DHX29: variants seen among roughly 807,000 people sequenced by gnomAD.
DHX29 encodes ATP-dependent RNA helicase DHX29.
DHX29 carries 79 observed loss-of-function variants against 167.9 expected under a neutral mutation model. The ratio of observed to expected loss-of-function variants is 0.47; its 90% confidence interval spans 0.39 to 0.57. The LOEUF is 0.57. Among genes scored for constraint, DHX29 ranks in the 20% least tolerant of loss-of-function variants. The pLI is 0.00. For missense variants in DHX29, 1,347 were observed against 1,593.4 expected, an observed-to-expected ratio of 0.85 and a Z score of 2.63; for synonymous variants, 530 against 546.0, an observed-to-expected ratio of 0.97 and a Z score of 0.41.
intron 12 of DHX29, among the ~76,000 whole-genome samples, chr5:55,281,119 CACACACACACACACGCTATATATAT>C (rs1747387195): frequency 8.5e-6 from 1 of 117,186 alleles, no homozygotes; most frequent in South Asian, 2.5e-4. Context: ...TATATATGTA[CACACACACACACACGCTATATATAT>C]ACACACACAC....
chr5:55,302,297 C>T (rs1748643910), intron 1 of DHX29, among the ~76,000 whole-genome samples: 1 of 151,998 alleles, frequency 6.6e-6, no homozygotes, highest in South Asian at 2.1e-4. Context: ...TCAAGAGGCC[C>T]CAGCTATAAC....
Position 55,269,575 on chromosome 5 carries a change from T to C in DHX29, c.3132A>G (p.Gln1044=). The change falls in exon 21 of 27, where the codon CAA becomes CAG. Residue 1044 remains glutamine (Q), a synonymous_variant. Coordinates refer to ENST00000251636, the MANE Select transcript of DHX29 (RefSeq NM_019030.4). ...GCAAATTCATTGCATTGCTGATCAC[T>C]TGGAGCTGAGGAGGATCTAAGGCTT... ...LSKALDPPQL[Q]VISNAMNLLR... The C allele has an allele frequency of 6.2e-7, 1 of 1,614,110 alleles. No homozygotes were observed. The highest frequency in any genetic ancestry group is 8.5e-7 in the Non-Finnish European group (1 of 1,180,014).
Position 55,297,274 on chromosome 5 carries a change from T to C in DHX29, c.375+11A>G, listed in dbSNP as rs199762325. 90 of 1,375,648 alleles carry C rather than the reference T, an allele frequency of 6.5e-5. No homozygotes were observed. The highest frequency in any genetic ancestry group is 6.4e-4 in the African/African-American group (45 of 70,164). The allele number at this position is 1,375,648 out of a possible 1,614,324, so 85.2% of individuals were successfully genotyped here. A position where few individuals can be genotyped will look rare whatever the true frequency, so the allele number is the denominator to read the frequency against. The stretch of plus-strand genomic sequence containing the variant: ...CTAAAACTAAGGAACTTTAAAAAGT[T>C]TGCAAAATACCTGCAATTTTTTGGC... On this transcript the variant is annotated intron_variant, in intron 3 of 26. Transcript: ENST00000251636.
chr5:55,265,172 T>C (rs1377793042), intron 23 of DHX29, among the ~76,000 whole-genome samples: 1 of 146,808 alleles, frequency 6.8e-6, no homozygotes, highest in African/African-American at 2.5e-5. Context: ...ATACAGGACA[T>C]AGAAGAATAT....
At position 55,297,648 on chromosome 5, in the gene DHX29, G is replaced by A. The variant is rs114895026; in HGVS notation, c.262-250C>T. Among the ~76,000 whole-genome samples, 465 of 152,244 alleles carry A rather than the reference G, an allele frequency of 3.1e-3. 1 individual carries two copies. Among genetic ancestry groups the A allele is most frequent in the African/African-American group, 0.01 (434 of 41,552 alleles). On this transcript the variant is annotated intron_variant, in intron 2 of 26. Coordinates refer to ENST00000251636, the MANE Select transcript of DHX29 (RefSeq NM_019030.4). ...AAAAGCCTCTTGAGGGCAATGTCAC[G>A]AGACATTGTCCTTGGACCACCCTTG...
chr5:55,274,173 C>G (rs1360321333), intron 16 of DHX29, among the ~76,000 whole-genome samples: 1 of 151,562 alleles, frequency 6.6e-6, no homozygotes, highest in Non-Finnish European at 1.5e-5. Context: ...GTGAGAAGTT[C>G]CCTTTAGCCC....
At chr5:55,294,544 G>A (rs1748211873) in intron 5 of DHX29, among the ~76,000 whole-genome samples, 1 of 152,164 alleles carries the variant, frequency 6.6e-6, no homozygotes, top group Non-Finnish European at 1.5e-5. Flanking sequence ...GCGTGGTGGA[G>A]GGTGCCTGTA....
chr5:55,302,211 A>G (rs1342082114), intron 1 of DHX29, among the ~76,000 whole-genome samples: 2 of 152,160 alleles, frequency 1.3e-5, no homozygotes, highest in Non-Finnish European at 2.9e-5. Flanking sequence ...GTCTTTAACT[A>G]TTTCTGGGGA....
At chr5:55,286,877 T>C (rs1169135945) in intron 8 of DHX29, among the ~76,000 whole-genome samples, 1 of 152,208 alleles carries the variant, frequency 6.6e-6, no homozygotes, top group Non-Finnish European at 1.5e-5. Context: ...GATATTCCAA[T>C]GTACCCTCTC....
At chr5:55,295,108 C>T (rs1236008984) in intron 5 of DHX29, 1 of 292,896 alleles carries the variant, frequency 3.4e-6, no homozygotes, top group Non-Finnish European at 6.3e-6. Context: ...ATGTTCCAGC[C>T]TTGGAAGATA....
At chr5:55,284,555 T>C (rs1747616927) in intron 10 of DHX29, among the ~76,000 whole-genome samples, 1 of 152,230 alleles carries the variant, frequency 6.6e-6, no homozygotes, top group Admixed American at 6.5e-5. Context: ...AGAGTTCCAC[T>C]TAATCAGTGT....
rs749356881 is a variant in DHX29, at chr5:55,262,167, A to T, written c.3828+463T>A. 5.9e-5 allele frequency among the ~76,000 whole-genome samples: 9 copies of T among 152,242 alleles called. No individual in the cohort carries two copies. The South Asian group carries it at 1.9e-3, about 31-fold the overall frequency. On this transcript the variant is annotated intron_variant, in intron 24 of 26. Transcript: ENST00000251636. ...AGTGGTCATGCAGCTCCAATTCAAA[A>T]GGTTGTTTTCATTGTAATCTATAAA...
chr5:55,290,876 G>GT (rs145811011), intron 6 of DHX29, among the ~76,000 whole-genome samples: 233 of 152,224 alleles, frequency 1.5e-3, no homozygotes, highest in African/African-American at 5.4e-3. Context: ...TTAGCTGGGT[G>GT]TGGGGGTGGA....
At chr5:55,258,611 A>AT in intron 26 of DHX29, among the ~76,000 whole-genome samples, 1 of 152,154 alleles carries the variant, frequency 6.6e-6, no homozygotes, top group African/African-American at 2.4e-5. Flanking sequence ...TTTCTCTCTT[A>AT]TTTTTTGATG....
chr5:55,290,408 G>T, intron 6 of DHX29, 64 bp from the exon 7 acceptor site: 1 of 1,472,046 alleles, frequency 6.8e-7, no homozygotes, highest in East Asian at 2.3e-5. Context: ...TTTATCTATG[G>T]TCAATAAACT....
intron 12 of DHX29, chr5:55,279,732 G>C: frequency 6.7e-6 from 1 of 149,474 alleles, no homozygotes; most frequent in Middle Eastern, 3.3e-3. Context: ...TTGTTTTGCT[G>C]TTTTTGTTTT....
At chr5:55,306,871 C>A (rs1271454097) in intron 1 of DHX29, among the ~76,000 whole-genome samples, 3 of 152,146 alleles carry the variant, frequency 2.0e-5, no homozygotes, top group African/African-American at 7.2e-5. Flanking sequence ...CGAGGGCAGA[C>A]AATTTTACAA....
chr5:55,256,602 T>C (rs952685551), intron 26 of DHX29, 62 bp from the exon 27 acceptor site: 6 of 1,505,072 alleles, frequency 4.0e-6, no homozygotes, highest in Non-Finnish European at 5.4e-6. Context: ...TTCCAAGGTA[T>C]GCACATGTAA....
intron 20 of DHX29, among the ~76,000 whole-genome samples, 164 bp from the exon 21 acceptor site, chr5:55,269,801 AG>A (rs936119761): frequency 6.6e-6 from 1 of 150,634 alleles, no homozygotes; most frequent in African/African-American, 2.5e-5. Flanking sequence ...GGGGTAGAGG[AG>A]TTGGGGGGAA....
Sources: gnomAD v4.1 joint callset for allele counts (sites outside exome capture counted in the v4.1 genomes callset) on GRCh38, gnomAD v4.1.1 for gene constraint, MANE v1.5 for transcripts, NCBI Gene and HGNC (gene_info 2026-07-23, HGNC 2026-07-21) for gene names.